Variants in UGT1A4 observed in about 807,000 individuals in gnomAD.
UGT1A4 encodes the protein UDP-glucuronosyltransferase 1A4.
In UGT1A4, 32 loss-of-function variants were observed where a neutral mutation model predicts 41.1. The observed-to-expected ratio is 0.78, with a 90% CI of 0.59 to 1.05. The LOEUF is 1.05. Among genes scored for constraint, UGT1A4 ranks in the 50% least tolerant of loss-of-function variants. The pLI is 0.00. For missense variants in UGT1A4, 748 were observed against 677.4 expected (o/e 1.10, Z -1.16); for synonymous variants, 283 against 265.1 (o/e 1.07, Z -0.66).
chr2:233,762,461 T>G (rs1698085001), intron 1 of UGT1A4, among the ~76,000 whole-genome samples: 1 of 152,214 alleles, frequency 6.6e-6, no homozygotes, highest in African/African-American at 2.4e-5. Flanking sequence ...TTACCGATAA[T>G]GTCATGGATA....
At chr2:233,757,625 G>T (rs550855781) in intron 1 of UGT1A4, among the ~76,000 whole-genome samples, 1 of 148,046 alleles carries the variant, frequency 6.8e-6, no homozygotes, top group East Asian at 2.0e-4. Context: ...AAAGATACAA[G>T]GCAGAACAGA....
chr2:233,764,152 G>C (rs1467176799), intron 1 of UGT1A4, among the ~76,000 whole-genome samples: 3 of 152,176 alleles, frequency 2.0e-5, no homozygotes, highest in Non-Finnish European at 2.9e-5. Flanking sequence ...ATTTTGGCTG[G>C]TGAAGTCTCA....
At chr2:233,742,568 G>A (rs1692020087) in intron 1 of UGT1A4, among the ~76,000 whole-genome samples, 1 of 151,798 alleles carries the variant, frequency 6.6e-6, no homozygotes, top group African/African-American at 2.4e-5. Context: ...GCTTCTGGCC[G>A]GAATTGGGGG....
At chr2:233,748,529 G>A (rs1353260497) in intron 1 of UGT1A4, among the ~76,000 whole-genome samples, 1 of 151,782 alleles carries the variant, frequency 6.6e-6, no homozygotes, top group Non-Finnish European at 1.5e-5. Context: ...ATGATAGAGA[G>A]GTGACCACAG....
At position 233,760,794 on chromosome 2, in the gene UGT1A4, ATTC is replaced by A. The variant is rs587776762; in HGVS notation, c.868-6234_868-6232del. On this transcript the variant is annotated intron_variant, in intron 1 of 4. Transcript: ENST00000373409. The stretch of plus-strand genomic sequence containing the variant: ...CCCAGTACCTGTCTCTGCCCACTGT[ATTC>A]TTCTTGCATGCACTGCCATGCAGCC... 8.7e-6 allele frequency: 14 copies of A among 1,613,302 alleles called. No homozygotes were observed. Among genetic ancestry groups the A allele is most frequent in the Non-Finnish European group, 1.2e-5 (14 of 1,179,518 alleles).
At chr2:233,743,204 C>T (rs187896113) in intron 1 of UGT1A4, 20 of 388,964 alleles carry the variant, frequency 5.1e-5, no homozygotes, top group East Asian at 2.2e-4. Context: ...GGTGTCAATG[C>T]GGAGTAACTG....
chr2:233,729,678 C>T (rs748966468), intron 1 of UGT1A4: 13 of 1,613,930 alleles, frequency 8.1e-6, no homozygotes, highest in Middle Eastern at 1.7e-4. Context: ...ACTTTAAGGG[C>T]ACACAGTGTC....
chr2:233,731,057 C>A (rs1221719711), intron 1 of UGT1A4, among the ~76,000 whole-genome samples: 3 of 152,120 alleles, frequency 2.0e-5, no homozygotes, highest in Non-Finnish European at 4.4e-5. Context: ...TGTGTATGAA[C>A]TTCCATGATT....
At position 233,732,704 on chromosome 2, in the gene UGT1A4, T is replaced by A. The variant is rs2078302376; in HGVS notation, c.867+13017T>A. 3.3e-5 allele frequency among the ~76,000 whole-genome samples: 5 copies of A among 152,126 alleles called. No homozygotes were observed. In the South Asian group the frequency reaches 1.0e-3, roughly 31 times the overall value. On this transcript the variant is annotated intron_variant, in intron 1 of 4. Coordinates refer to ENST00000373409, the MANE Select transcript of UGT1A4 (RefSeq NM_007120.3). ...ACCAGCACCCATGCTGTTTTGTTAC[T>A]GTAGCCTTGTAGTACAGTTTGAAGT...
intron 1 of UGT1A4, among the ~76,000 whole-genome samples, chr2:233,736,258 T>G (rs1302567098): frequency 2.0e-5 from 3 of 152,238 alleles, no homozygotes; most frequent in Non-Finnish European, 2.9e-5. Flanking sequence ...ATTTCATTAA[T>G]TTGATCTTCA....
intron 1 of UGT1A4, among the ~76,000 whole-genome samples, chr2:233,731,510 C>T (rs1236819305): frequency 6.6e-6 from 1 of 152,156 alleles, no homozygotes; most frequent in African/African-American, 2.4e-5. Context: ...GTTCAGTTCC[C>T]ACCTATGAGT....
chr2:233,733,687 G>A (rs906292331), intron 1 of UGT1A4, among the ~76,000 whole-genome samples: 3 of 152,194 alleles, frequency 2.0e-5, no homozygotes, highest in African/African-American at 7.2e-5. Context: ...ACTTTTTGAT[G>A]TGCTGCTGGA....
intron 1 of UGT1A4, among the ~76,000 whole-genome samples, chr2:233,752,134 G>C (rs1265707864): frequency 6.6e-6 from 1 of 152,180 alleles, no homozygotes; most frequent in Non-Finnish European, 1.5e-5. Context: ...GGACAGAAAG[G>C]ATCATTCCCT....
chr2:233,748,071 C>T, intron 1 of UGT1A4: 3 of 1,613,372 alleles, frequency 1.9e-6, no homozygotes, highest in East Asian at 2.2e-5. Context: ...CAGGAAGCCA[C>T]TATCTCAGGT....
intron 3 of UGT1A4, 59 bp from the exon 4 acceptor site, chr2:233,768,161 T>G: frequency 1.2e-6 from 2 of 1,613,420 alleles, no homozygotes; most frequent in East Asian, 2.2e-5. Flanking sequence ...AACCTAGATG[T>G]GTCCAGCTGT....
chr2:233,729,346 T>C (rs1339922469), intron 1 of UGT1A4: 1 of 1,614,150 alleles, frequency 6.2e-7, no homozygotes, highest in Non-Finnish European at 8.5e-7. Context: ...AGAAGAGAAC[T>C]TTTTCACCCT....
intron 1 of UGT1A4, chr2:233,756,116 T>G (rs939719556): frequency 6.6e-6 from 1 of 152,230 alleles, no homozygotes; most frequent in Non-Finnish European, 1.5e-5. Flanking sequence ...AGTTTTGACT[T>G]TGTAAAATTC....
intron 4 of UGT1A4, 31 bp downstream of exon 4, chr2:233,768,470 G>A: frequency 6.2e-7 from 1 of 1,602,840 alleles, no homozygotes; most frequent in Non-Finnish European, 8.5e-7. Flanking sequence ...GAATACTTTG[G>A]TCATGGCATT....
intron 4 of UGT1A4, among the ~76,000 whole-genome samples, chr2:233,771,773 T>C (rs1700376889): frequency 6.6e-6 from 1 of 152,072 alleles, no homozygotes; most frequent in Non-Finnish European, 1.5e-5. Context: ...CGTCCCTCTC[T>C]CCTTTCCTCT....
Sources: gnomAD v4.1 joint callset for allele counts (sites outside exome capture counted in the v4.1 genomes callset) on GRCh38, gnomAD v4.1.1 for gene constraint, MANE v1.5 for transcripts, NCBI Gene and HGNC (gene_info 2026-07-23, HGNC 2026-07-21) for gene names.